Variants in STYK1 observed in about 807,000 individuals in gnomAD.
STYK1 encodes the protein STY kinase 1, also known as tyrosine-protein kinase STYK1.
Under a neutral mutation model 48.1 loss-of-function variants are expected in STYK1, and 46 were observed. The ratio of observed to expected loss-of-function variants is 0.96; its 90% CI spans 0.75 to 1.22. The LOEUF (loss-of-function observed/expected upper bound fraction) is 1.22. Ranked by LOEUF, STYK1 falls within the 50% of genes most tolerant of loss-of-function variation. The probability of loss-of-function intolerance (pLI) is 0.00; values close to 1 mark genes in which losing one functional copy is unlikely to be tolerated. For missense variants in STYK1, 527 were observed against 521.1 expected (o/e 1.01, Z -0.11); for synonymous variants, 188 against 189.0 (o/e 0.99, Z 0.04).
intron 1 of STYK1, among the ~76,000 whole-genome samples, chr12:10,657,841 A>G (rs1315072451): frequency 6.6e-6 from 1 of 152,256 alleles, no homozygotes; most frequent in African/African-American, 2.4e-5. Context: ...TTAACATTGT[A>G]ACATATAATT....
rs116111974 is a variant in STYK1 at position 10,628,330 on chromosome 12, G to C, written c.634-606C>G. ...ATTGAGTTGCAGGGACAGGGAAATT[G>C]ATGAGATCTGAAGGATGAGTGGACA... is the stretch of plus-strand genomic sequence containing the variant. On this transcript the variant is annotated intron_variant, in intron 6 of 10. Coordinates refer to ENST00000075503, the MANE Select transcript of STYK1 (RefSeq NM_018423.3). Among the ~76,000 whole-genome samples, 1,121 of 152,344 alleles carry C rather than the reference G, an allele frequency of 7.4e-3. 12 individuals carry two copies. Among genetic ancestry groups the C allele is most frequent in the African/African-American group, 0.025 (1,045 of 41,578 alleles).
At chr12:10,641,201 C>T (rs1007994335) in intron 1 of STYK1, among the ~76,000 whole-genome samples, 2 of 152,156 alleles carry the variant, frequency 1.3e-5, no homozygotes, top group East Asian at 1.9e-4. Flanking sequence ...ACGCCACCCC[C>T]ACTCAGCACA....
rs115369799 is a variant in STYK1, at chr12:10,652,183, G to A, written c.-194-14987C>T. ...GTTATCTCCTTTTCTTAATTAATCC[G>A]GAGAAAATTCACCAGACTCTAATTT... On this transcript the variant is annotated intron_variant, in intron 1 of 10. Transcript: ENST00000075503. Among the ~76,000 whole-genome samples, 482 of 152,100 alleles carry A rather than the reference G, an allele frequency of 3.2e-3. 2 individuals carry two copies. Among genetic ancestry groups the A allele is most frequent in the African/African-American group, 0.011 (458 of 41,488 alleles).
intron 1 of STYK1, among the ~76,000 whole-genome samples, chr12:10,659,714 C>T (rs1947755434): frequency 6.6e-6 from 1 of 152,170 alleles, no homozygotes; most frequent in African/African-American, 2.4e-5. Flanking sequence ...AATAAAGTTT[C>T]ATCAGAGCTA....
At chr12:10,647,084 C>G (rs1454560191) in intron 1 of STYK1, among the ~76,000 whole-genome samples, 2 of 152,208 alleles carry the variant, frequency 1.3e-5, no homozygotes, top group African/African-American at 4.8e-5. Context: ...GGGGTCGAGC[C>G]CCCACACAAT....
intron 1 of STYK1, among the ~76,000 whole-genome samples, chr12:10,665,167 A>G (rs1947821540): frequency 6.6e-6 from 1 of 152,252 alleles, no homozygotes; most frequent in African/African-American, 2.4e-5. Context: ...TCTCAGTGTC[A>G]GAAAGCCATG....
chr12:10,620,534 T>C (rs1865891147), intron 10 of STYK1, among the ~76,000 whole-genome samples, 186 bp from the exon 11 acceptor site: 1 of 152,208 alleles, frequency 6.6e-6, no homozygotes, highest in Non-Finnish European at 1.5e-5. Flanking sequence ...AGTCTCTTAA[T>C]AGCACTTTCT....
rs556328378 is a variant in STYK1, at chr12:10,672,700, T to A, written c.-195+1266A>T. On this transcript the variant is annotated intron_variant, in intron 1 of 10. Coordinates refer to ENST00000075503, the MANE Select transcript of STYK1 (RefSeq NM_018423.3). The surrounding 1 kb of genome is among the most constrained non-coding windows in gnomAD (Gnocchi z 4.0). ...CCTCATCGGCATCTGTGAAAAAAATTGTCTTCCACAAAATCAGTCCCTGGT... is the reference window on the plus strand; with the variant it reads ...CCTCATCGGCATCTGTGAAAAAAATAGTCTTCCACAAAATCAGTCCCTGGT... 4.6e-5 allele frequency among the ~76,000 whole-genome samples: 7 copies of A among 152,316 alleles called. No individual in the cohort carries two copies. The highest frequency in any genetic ancestry group is 1.4e-4 in the African/African-American group (6 of 41,572).
chr12:10,646,793 A>G (rs1009158256), intron 1 of STYK1, among the ~76,000 whole-genome samples: 4 of 152,178 alleles, frequency 2.6e-5, no homozygotes, highest in Non-Finnish European at 4.4e-5. Context: ...GCTATGTGCA[A>G]TCTAGGGACT....
chr12:10,634,764 C>T lies in STYK1; in HGVS notation c.-68-78G>A, dbSNP rs1043414351. ...GAAGTACACACAGAATTTTAAACCG[C>T]CTCTACAGATCACTAGTTAAGTAAA... On this transcript the variant is annotated intron_variant, in intron 2 of 10. Transcript: ENST00000075503. 12 of 824,928 alleles carry T rather than the reference C, an allele frequency of 1.5e-5. No individual in the cohort carries two copies. In the African/African-American group the frequency reaches 1.9e-4, roughly 13 times the overall value. 51.1% of individuals were successfully genotyped at this position (824,928 alleles called of 1,614,324 possible).
In STYK1 at chr12:10,634,565, A is replaced by T. The variant is rs1203904602; in HGVS notation, c.52+2T>A. 6.2e-7 allele frequency: 1 copy of T among 1,613,870 alleles called. No individual in the cohort carries two copies. The highest frequency in any genetic ancestry group is 1.3e-5 in the African/African-American group (1 of 74,906). ...ATAGACATCTGTGGAATCCGTACTT[A>T]CCACACAACTTGTCACTGAGACTGC... On this transcript the variant is annotated splice_donor_variant, in intron 3 of 10. Transcript: ENST00000075503. LOFTEE classifies it high-confidence loss of function.
At chr12:10,623,201 T>C (rs1947316921) in intron 8 of STYK1, among the ~76,000 whole-genome samples, 1 of 152,240 alleles carries the variant, frequency 6.6e-6, no homozygotes, top group African/African-American at 2.4e-5. Context: ...CTAAGCAATA[T>C]GACTTGAGAG....
rs1226211196 is a variant in STYK1, at chr12:10,629,677, G to A, written c.452-3C>T. ...TACCTCATGGAGCCCAGCTGGTTCT[G>A]TAGAGGACGAAAGATCCAGGCAGTG... is the stretch of plus-strand genomic sequence containing the variant. On this transcript the variant is annotated splice_region_variant and splice_polypyrimidine_tract_variant and intron_variant, in intron 5 of 10. Transcript: ENST00000075503. 3.7e-6 allele frequency: 6 copies of A among 1,614,140 alleles called. No individual in the cohort carries two copies. In the South Asian group the frequency reaches 6.6e-5, roughly 18 times the overall value.
intron 1 of STYK1, among the ~76,000 whole-genome samples, chr12:10,651,239 T>C (rs1281110949): frequency 2.0e-5 from 3 of 152,166 alleles, no homozygotes; most frequent in African/African-American, 7.2e-5. Context: ...CTCACTTCTT[T>C]CCTTATGGTC....
At position 10,621,874 on chromosome 12, in the gene STYK1, A is replaced by T. The variant is rs1565557291; in HGVS notation, c.1064+2T>A. ...AGGAGCAGGCCTTTAAAAACCACTTACATGGTATGTGTGCAGCTACTGGGT... is the reference window on the plus strand; with the variant it reads ...AGGAGCAGGCCTTTAAAAACCACTTTCATGGTATGTGTGCAGCTACTGGGT... On this transcript the variant is annotated splice_donor_variant, in intron 10 of 10. Transcript: ENST00000075503. LOFTEE classifies it high-confidence loss of function. 5.6e-6 allele frequency: 9 copies of T among 1,613,404 alleles called. No individual in the cohort carries two copies. The South Asian group carries it at 8.8e-5, about 16-fold the overall frequency.
At chr12:10,629,792 A>G in intron 5 of STYK1, 118 bp from the exon 6 acceptor site, 1 of 1,086,174 alleles carries the variant, frequency 9.2e-7, no homozygotes, top group Non-Finnish European at 1.3e-6. Flanking sequence ...GGAGTGAATG[A>G]AGGCAAAAAT....
Position 10,642,678 on chromosome 12 carries a change from A to G in STYK1, c.-194-5482T>C, listed in dbSNP as rs144155541. On this transcript the variant is annotated intron_variant, in intron 1 of 10. Coordinates refer to ENST00000075503, the MANE Select transcript of STYK1 (RefSeq NM_018423.3). ...ACAGAGAGGGAGTTAAAGTAATCAA[A>G]AAGTTAATGCAGGATTTAAAACTTT... 1.9e-3 allele frequency among the ~76,000 whole-genome samples: 293 copies of G among 152,356 alleles called. 1 individual carries two copies. Among genetic ancestry groups the G allele is most frequent in the African/African-American group, 6.8e-3 (281 of 41,580 alleles).
chr12:10,641,222 T>C (rs1000788347), intron 1 of STYK1, among the ~76,000 whole-genome samples: 4 of 152,170 alleles, frequency 2.6e-5, no homozygotes, highest in Non-Finnish European at 5.9e-5. Context: ...GGATTATCTC[T>C]AATCCATCCG....
intron 1 of STYK1, among the ~76,000 whole-genome samples, chr12:10,657,430 T>G (rs1292972741): frequency 6.6e-6 from 1 of 152,220 alleles, no homozygotes; most frequent in Non-Finnish European, 1.5e-5. Context: ...ACTTAAATAT[T>G]TTGTCAGAAA....
Sources: allele counts gnomAD v4.1 joint callset (sites outside exome capture counted in the v4.1 genomes callset), GRCh38; gene constraint gnomAD v4.1.1; non-coding constraint Gnocchi (gnomAD v3.1); transcripts MANE v1.5; gene names NCBI Gene and HGNC (gene_info 2026-07-23, HGNC 2026-07-21).